The following KNDC1 variants were observed in gnomAD, a reference collection of about 807,000 sequenced individuals.
KNDC1 encodes the protein kinase non-catalytic C-lobe domain-containing protein 1.
Under a neutral mutation model 172.8 loss-of-function variants are expected in KNDC1, and 106 were observed. That is an observed-to-expected ratio of 0.61 (90% CI 0.52 to 0.72). The LOEUF (loss-of-function observed/expected upper bound fraction) is 0.72, where lower values mean the gene tolerates loss of function less well. Among genes scored for constraint, KNDC1 ranks in the 30% least tolerant of loss-of-function variants. The pLI, the probability that KNDC1 is intolerant of heterozygous loss-of-function variation, is 0.00. For synonymous variants in KNDC1, 1,083 were observed against 1,062.2 expected (o/e 1.02, Z -0.38); for missense variants, 2,325 against 2,394.5 (o/e 0.97, Z 0.61).
At chr10:133,222,304 G>A (rs1409296110) in intron 29 of KNDC1, among the ~76,000 whole-genome samples, 1 of 151,918 alleles carries the variant, frequency 6.6e-6, no homozygotes, top group African/African-American at 2.4e-5. Context: ...AAAACTTAAG[G>A]TGATGCTCAA....
chr10:133,221,787 T>G (rs1456976191), intron 29 of KNDC1, among the ~76,000 whole-genome samples: 1 of 152,124 alleles, frequency 6.6e-6, no homozygotes, highest in Non-Finnish European at 1.5e-5. Context: ...AGTTAAAAAC[T>G]TAAGGTAGGC....
At chr10:133,178,422 GA>G (rs1853620219) in intron 3 of KNDC1, among the ~76,000 whole-genome samples, 1 of 152,134 alleles carries the variant, frequency 6.6e-6, no homozygotes, top group Non-Finnish European at 1.5e-5. Context: ...CTACATTAGC[GA>G]AACTACAGCA....
Position 133,198,917 on chromosome 10 carries a change from A to C in KNDC1, c.2409A>C (p.Pro803=), listed in dbSNP as rs1483107890. 1.3e-6 allele frequency: 2 copies of C among 1,578,640 alleles called. No individual in the cohort carries two copies. The highest frequency in any genetic ancestry group is 3.5e-5 in the Admixed American group (2 of 57,306). Residue 803 remains proline, a synonymous_variant, in exon 14 of 30, where the codon CCA becomes CCC. Coordinates refer to ENST00000304613, the MANE Select transcript of KNDC1 (RefSeq NM_152643.8). The part of the protein sequence containing the change: ...PVEQGPAEPI[P]PGVASGGLRP... Reference sequence around the variant, plus strand: ...AGCAAGGGCCGGCTGAGCCGATCCCACCTGGAGTTGCTTCCGGGGGCCTCA... The same window carrying C: ...AGCAAGGGCCGGCTGAGCCGATCCCCCCTGGAGTTGCTTCCGGGGGCCTCA...
intron 7 of KNDC1, among the ~76,000 whole-genome samples, 161 bp from the exon 8 acceptor site, chr10:133,189,437 G>A (rs2135983784): frequency 1.3e-5 from 2 of 152,304 alleles, no homozygotes; most frequent in Middle Eastern, 6.8e-3. Context: ...GACCCCGGGG[G>A]CTGGGGTCAG....
chr10:133,188,574 C>A lies in KNDC1; in HGVS notation c.1362C>A (p.Gly454=). Residue 454 remains glycine, a synonymous_variant, in exon 7 of 30, where the codon GGC becomes GGA. Transcript: ENST00000304613. ...VSLQDLLSQL[G]RPFREYELWA... is the part of the protein sequence containing the mutation. ...TGCAGGACCTCCTGTCCCAGCTGGG[C>A]CGGCCCTTCCGGGAGTACGAGCTGT... 6.3e-7 allele frequency: 1 copy of A among 1,587,106 alleles called. No homozygotes were observed. Among genetic ancestry groups the A allele is most frequent in the Admixed American group, 1.8e-5 (1 of 56,936 alleles).
chr10:133,167,279 G>T (rs1022446449), intron 1 of KNDC1, 102 bp from the exon 2 acceptor site: 1 of 1,163,226 alleles, frequency 8.6e-7, no homozygotes, highest in Non-Finnish European at 1.2e-6. Context: ...GCGTTGAAAC[G>T]CTGCCACGAG....
rs762518979 is a variant in KNDC1, at chr10:133,186,536, C to A, written c.1188C>A (p.Pro396=). ...GPGVPGSPGQ[P]ETSHPSQGPA... is the part of the protein sequence containing the mutation. The stretch of plus-strand genomic sequence containing the variant: ...GGGTGCCCGGCAGTCCAGGACAGCC[C>A]GAGACTTCACACCCCAGCCAGGGGC... The change falls in exon 6 of 30, where the codon CCC becomes CCA. Residue 396 remains proline (P), a synonymous_variant. Transcript: ENST00000304613. 6.2e-7 allele frequency: 1 copy of A among 1,611,706 alleles called. No homozygotes were observed. Among genetic ancestry groups the A allele is most frequent in the South Asian group, 1.1e-5 (1 of 91,072 alleles).
intron 3 of KNDC1, among the ~76,000 whole-genome samples, chr10:133,178,070 ATG>A (rs765711210): frequency 3.4e-5 from 5 of 147,940 alleles, no homozygotes; most frequent in Admixed American, 6.7e-5. Context: ...TGTAGCGTGC[ATG>A]TGTGTGCAGT....
intron 3 of KNDC1, among the ~76,000 whole-genome samples, chr10:133,168,898 C>T (rs570906381): frequency 5.3e-5 from 8 of 152,294 alleles, no homozygotes; most frequent in Non-Finnish European, 8.8e-5. Context: ...TGGGAGGAGT[C>T]GGGCAACGGC....
rs574484139 is a variant in KNDC1, at chr10:133,166,433, G to T, written c.103-948G>T. Among the ~76,000 whole-genome samples the T allele has an allele frequency of 3.3e-5, 5 of 149,772 alleles. No homozygotes were observed. In the East Asian group the frequency reaches 9.6e-4, roughly 29 times the overall value. On this transcript the variant is annotated intron_variant, in intron 1 of 29. Coordinates refer to ENST00000304613, the MANE Select transcript of KNDC1 (RefSeq NM_152643.8). ...TCCTGTGAGGGTGTGTGCACCAAGT[G>T]TGGGAATGGGTGTGTGCGGGTGTGC...
chr10:133,187,425 G>A (rs1465553073), intron 6 of KNDC1, among the ~76,000 whole-genome samples: 1 of 152,254 alleles, frequency 6.6e-6, no homozygotes, highest in Non-Finnish European at 1.5e-5. Context: ...CTGTGTCCCC[G>A]TGAGCTCCTC....
Position 133,207,287 on chromosome 10 carries a change from C to T in KNDC1, c.3730C>T (p.Arg1244Trp), listed in dbSNP as rs777765270. The change falls in exon 20 of 30, where the codon CGG becomes TGG. Residue 1244 changes from arginine to tryptophan, a missense_variant. By Grantham distance (101) the Arg-to-Trp change is moderately radical. Coordinates refer to ENST00000304613, the MANE Select transcript of KNDC1 (RefSeq NM_152643.8). ...FYNVNKHPGG[R>W]QKARILQAGT... ...CAACGTCAACAAGCACCCGGGCGGC[C>T]GGCAGAAGGCCCGCATCCTGCAGGC... is the stretch of plus-strand genomic sequence containing the variant. 10 of 1,612,866 alleles carry T rather than the reference C, an allele frequency of 6.2e-6. No individual in the cohort carries two copies. Among genetic ancestry groups the T allele is most frequent in the Middle Eastern group, 1.6e-4 (1 of 6,078 alleles).
chr10:133,160,864 G>C (rs956251779), intron 1 of KNDC1, among the ~76,000 whole-genome samples: 2 of 152,106 alleles, frequency 1.3e-5, no homozygotes, highest in East Asian at 1.9e-4. Context: ...GAGGACGGAG[G>C]GGGGTCTGCT....
At chr10:133,221,489 T>C (rs899270069) in intron 29 of KNDC1, among the ~76,000 whole-genome samples, 2 of 151,984 alleles carry the variant, frequency 1.3e-5, no homozygotes, top group Non-Finnish European at 2.9e-5. Context: ...TCGGCCTCAC[T>C]CTCTCCCTCA....
chr10:133,176,562 G>A (rs1488653207), intron 3 of KNDC1, among the ~76,000 whole-genome samples: 1 of 152,154 alleles, frequency 6.6e-6, no homozygotes, highest in African/African-American at 2.4e-5. Flanking sequence ...CAAACCTCTG[G>A]TCCATACTTT....
rs752733069 is a variant in KNDC1, at chr10:133,224,697, A to T, written c.5057A>T (p.Gln1686Leu). ...GTGGTGAGCCAGGTGCACGCGTTCCAGGAGAACCCTTACACCTTCAGCCCC... is the reference window on the plus strand; with the variant it reads ...GTGGTGAGCCAGGTGCACGCGTTCCTGGAGAACCCTTACACCTTCAGCCCC... ...AKVVSQVHAF[Q>L]ENPYTFSPDP... Residue 1686 changes from glutamine to leucine, a missense_variant, in exon 30 of 30, where the codon CAG (glutamine) becomes CTG (leucine). By Grantham distance (113) the Gln-to-Leu change is moderately radical. Coordinates refer to ENST00000304613, the MANE Select transcript of KNDC1 (RefSeq NM_152643.8). This position sits in a 1 kb window ranked among gnomAD's most constrained non-coding sequence, Gnocchi z 5.4. 1.2e-6 allele frequency: 2 copies of T among 1,614,060 alleles called. No individual in the cohort carries two copies. Among genetic ancestry groups the T allele is most frequent in the East Asian group, 2.2e-5 (1 of 44,882 alleles).
intron 3 of KNDC1, among the ~76,000 whole-genome samples, chr10:133,170,250 G>A (rs1253850332): frequency 1.3e-5 from 2 of 152,180 alleles, no homozygotes; most frequent in Non-Finnish European, 2.9e-5. Flanking sequence ...TGGCTCGTGG[G>A]GCAGGTGGAC....
At chr10:133,177,331 A>G (rs1316701708) in intron 3 of KNDC1, among the ~76,000 whole-genome samples, 1 of 151,970 alleles carries the variant, frequency 6.6e-6, no homozygotes, top group East Asian at 1.9e-4. Flanking sequence ...GCGTGGTGTC[A>G]TGCCCGTGTG....
chr10:133,181,695 G>A (rs909480108), intron 3 of KNDC1, among the ~76,000 whole-genome samples: 29 of 152,282 alleles, frequency 1.9e-4, no homozygotes, highest in South Asian at 8.3e-4. Context: ...GGAGATTCAC[G>A]CCATGAAAAA....
Sources: allele counts gnomAD v4.1 joint callset (sites outside exome capture counted in the v4.1 genomes callset), GRCh38; gene constraint gnomAD v4.1.1; non-coding constraint Gnocchi (gnomAD v3.1); transcripts MANE v1.5; gene names NCBI Gene and HGNC (gene_info 2026-07-23, HGNC 2026-07-21).